Variants in SULF1 observed in about 807,000 individuals in gnomAD.
SULF1 encodes extracellular sulfatase Sulf-1.
SULF1 carries 46 observed loss-of-function variants against 110.5 expected under a neutral mutation model. The ratio of observed to expected loss-of-function variants is 0.42; its 90% CI spans 0.33 to 0.53. The LOEUF is 0.53. Among genes scored for constraint, SULF1 ranks in the 20% least tolerant of loss-of-function variants. The pLI is 0.12. For synonymous variants in SULF1, 371 were observed against 387.1 expected, an observed-to-expected ratio of 0.96 and a Z score of 0.49; for missense variants, 941 against 1,094.2, an observed-to-expected ratio of 0.86 and a Z score of 1.98.
At chr8:69,569,851 C>T (rs1001466459) in intron 5 of SULF1, among the ~76,000 whole-genome samples, 3 of 151,988 alleles carry the variant, frequency 2.0e-5, no homozygotes, top group Admixed American at 1.3e-4. Context: ...ACTACCTTTT[C>T]CCCCTTTGGT....
intron 3 of SULF1, among the ~76,000 whole-genome samples, chr8:69,512,588 G>A (rs936011624): frequency 2.6e-5 from 4 of 152,086 alleles, no homozygotes; most frequent in Admixed American, 6.5e-5. Flanking sequence ...TCATAATATC[G>A]TTGTGAGGGA....
chr8:69,613,253 A>C (rs1276978762), intron 13 of SULF1, among the ~76,000 whole-genome samples: 1 of 147,290 alleles, frequency 6.8e-6, no homozygotes, highest in Non-Finnish European at 1.5e-5. Context: ...TGGTAATTAC[A>C]GGCTTGTAGT....
intron 5 of SULF1, among the ~76,000 whole-genome samples, chr8:69,568,713 GT>G (rs932607522): frequency 1.3e-5 from 2 of 152,170 alleles, no homozygotes; most frequent in Admixed American, 1.3e-4. Flanking sequence ...GTACTTCAGA[GT>G]TTTAGGCTAG....
chr8:69,603,015 A>G lies in SULF1; in HGVS notation c.1062-177A>G, dbSNP rs552619558. Reference sequence around the variant, plus strand: ...TGGCAAGAGTCAGTTAATCTTGCTCAGTGCCATTGCTGTGATCACACACCC... The same window carrying G: ...TGGCAAGAGTCAGTTAATCTTGCTCGGTGCCATTGCTGTGATCACACACCC... On this transcript the variant is annotated intron_variant, in intron 10 of 22. Transcript: ENST00000402687. 3.9e-5 allele frequency among the ~76,000 whole-genome samples: 6 copies of G among 152,270 alleles called. No homozygotes were observed. In the East Asian group the frequency reaches 1.2e-3, roughly 29 times the overall value.
At chr8:69,507,579 C>A (rs1026306055) in intron 3 of SULF1, among the ~76,000 whole-genome samples, 5 of 152,154 alleles carry the variant, frequency 3.3e-5, no homozygotes, top group Non-Finnish European at 7.3e-5. Context: ...TATTAAGATT[C>A]TGTCATTATT....
intron 5 of SULF1, among the ~76,000 whole-genome samples, chr8:69,568,797 G>T (rs576857784): frequency 2.1e-4 from 32 of 152,144 alleles, no homozygotes; most frequent in Non-Finnish European, 3.2e-4. Flanking sequence ...TAAAGTTCAG[G>T]ATAATGGCTA....
intron 3 of SULF1, among the ~76,000 whole-genome samples, chr8:69,542,830 T>A (rs1234470741): frequency 6.6e-6 from 1 of 151,942 alleles, no homozygotes; most frequent in African/African-American, 2.4e-5. Context: ...GGTGGTGAAA[T>A]TAACAGGGAA....
intron 3 of SULF1, among the ~76,000 whole-genome samples, chr8:69,522,988 G>C (rs1481954761): frequency 6.6e-6 from 1 of 152,212 alleles, no homozygotes; most frequent in Non-Finnish European, 1.5e-5. Flanking sequence ...GACAGTAGCT[G>C]ATAAGAGAAG....
intron 6 of SULF1, among the ~76,000 whole-genome samples, chr8:69,583,427 A>G (rs559763475): frequency 6.8e-6 from 1 of 146,446 alleles, no homozygotes; most frequent in Non-Finnish European, 1.5e-5. Context: ...AAAAAAAATT[A>G]GCCAGGTGTG....
chr8:69,482,305 C>T (rs1313955804), intron 1 of SULF1, among the ~76,000 whole-genome samples: 4 of 152,136 alleles, frequency 2.6e-5, no homozygotes, highest in African/African-American at 9.7e-5. Flanking sequence ...TGATTTTCCC[C>T]ATAGTTTATG....
chr8:69,477,210 A>G (rs1338256354), intron 1 of SULF1, among the ~76,000 whole-genome samples: 1 of 152,234 alleles, frequency 6.6e-6, no homozygotes, highest in East Asian at 1.9e-4. Flanking sequence ...CAGTCAAAAC[A>G]TGTTCTGTCA....
chr8:69,523,283 T>G (rs1812439730), intron 3 of SULF1, among the ~76,000 whole-genome samples: 1 of 151,996 alleles, frequency 6.6e-6, no homozygotes. Flanking sequence ...GGGAGACCTG[T>G]GGAAGTTCTC....
At chr8:69,535,362 G>A (rs1453811781) in intron 3 of SULF1, among the ~76,000 whole-genome samples, 2 of 152,156 alleles carry the variant, frequency 1.3e-5, no homozygotes, top group Non-Finnish European at 2.9e-5. Context: ...CTGGCGTTGG[G>A]CATTGATCAG....
chr8:69,629,589 C>T lies in SULF1; in HGVS notation c.2194C>T (p.Arg732Trp), dbSNP rs754254864. Residue 732 changes from arginine (R) to tryptophan (W), a missense_variant, in exon 19 of 23, where the codon CGG (arginine) becomes TGG (tryptophan). Arg to Trp is a moderately radical substitution (Grantham distance 101). Transcript: ENST00000402687. ...GAAGAAGGAGAGGAAGGAGAAGAGA[C>T]GGCAGAGGAAGGGGGAAGAGTGCAG... ...RRKKERKEKRRQRKGEECSLP... is the reference protein window; with the variant it reads ...RRKKERKEKRWQRKGEECSLP... 3.3e-5 allele frequency: 54 copies of T among 1,613,860 alleles called. 1 individual carries two copies. Among genetic ancestry groups the T allele is most frequent in the Admixed American group, 1.7e-4 (10 of 59,982 alleles).
rs945044694 is a variant in SULF1 at position 69,590,267 on chromosome 8, T to C, written c.734+1126T>C. On this transcript the variant is annotated intron_variant, in intron 8 of 22. Transcript: ENST00000402687. ...ACCTCCGCCTCCTGGGTTCAAACAA[T>C]TCTCCCACCTCAGGCTTCTGAGGAG... Among the ~76,000 whole-genome samples the C allele has an allele frequency of 3.3e-5, 5 of 152,132 alleles. No homozygotes were observed. In the East Asian group the frequency reaches 9.7e-4, roughly 30 times the overall value.
intron 3 of SULF1, among the ~76,000 whole-genome samples, chr8:69,557,950 G>A (rs1221199175): frequency 1.3e-5 from 2 of 152,228 alleles, no homozygotes; most frequent in African/African-American, 4.8e-5. Context: ...TACACCAGGA[G>A]GGGATGATTG....
chr8:69,600,869 GAGAA>G (rs1225141610), intron 9 of SULF1, 116 bp downstream of exon 9: 6 of 1,153,662 alleles, frequency 5.2e-6, no homozygotes, highest in East Asian at 2.4e-5. Flanking sequence ...CATTTTGAGA[GAGAA>G]AGAAAGAGAG....
At chr8:69,511,652 T>C (rs543070124) in intron 3 of SULF1, among the ~76,000 whole-genome samples, 2 of 152,324 alleles carry the variant, frequency 1.3e-5, no homozygotes, top group East Asian at 3.9e-4. Flanking sequence ...AGCCCCTCCA[T>C]TCTCAACATC....
At chr8:69,503,273 T>C (rs1810940345) in intron 3 of SULF1, among the ~76,000 whole-genome samples, 2 of 152,232 alleles carry the variant, frequency 1.3e-5, no homozygotes, top group South Asian at 2.1e-4. Flanking sequence ...CAGCAGTTTT[T>C]CTAGAATTCT....
Sources: allele counts gnomAD v4.1 joint callset (sites outside exome capture counted in the v4.1 genomes callset), GRCh38; gene constraint gnomAD v4.1.1; transcripts MANE v1.5; gene names NCBI Gene and HGNC (gene_info 2026-07-23, HGNC 2026-07-21).